The following THSD7B variants were observed in gnomAD, a reference collection of about 807,000 sequenced individuals.
THSD7B encodes thrombospondin type 1 domain containing 7B.
A neutral mutation model predicts 213.6 loss-of-function variants in THSD7B; 138 were observed. The observed-to-expected ratio is 0.65, with a 90% CI of 0.56 to 0.74. The LOEUF is 0.74. Ranked by LOEUF, THSD7B falls within the 30% of genes least tolerant of loss-of-function variation. The pLI is 0.00. For missense variants in THSD7B, 1,931 were observed against 1,991.5 expected (o/e 0.97, Z 0.58); for synonymous variants, 742 against 687.0 (o/e 1.08, Z -1.25).
chr2:137,574,908 A>G (rs544915655), intron 17 of THSD7B, among the ~76,000 whole-genome samples: 2 of 152,256 alleles, frequency 1.3e-5, no homozygotes, highest in Non-Finnish European at 2.9e-5. Flanking sequence ...AAAGGAAACA[A>G]TTATTTTATA....
At chr2:137,416,234 C>G (rs1210591634) in intron 14 of THSD7B, among the ~76,000 whole-genome samples, 2 of 152,164 alleles carry the variant, frequency 1.3e-5, no homozygotes. Flanking sequence ...AGCCATCATA[C>G]TGACACGAAA....
At chr2:137,553,765 G>T (rs1042805462) in intron 15 of THSD7B, among the ~76,000 whole-genome samples, 5 of 152,118 alleles carry the variant, frequency 3.3e-5, no homozygotes, top group African/African-American at 7.2e-5. Flanking sequence ...ATTTTCATAT[G>T]ATTCCCTGAT....
In THSD7B at chr2:136,773,891, TA is replaced by T. The variant is rs79981561; in HGVS notation, c.-36+8217del. Among the ~76,000 whole-genome samples, 370 of 142,614 alleles carry T rather than the reference TA, an allele frequency of 2.6e-3. 1 individual carries two copies. Among genetic ancestry groups the T allele is most frequent in the South Asian group, 7.4e-3 (33 of 4,454 alleles). 93.6% of individuals were successfully genotyped at this position (142,614 alleles called of 152,430 possible). A position where few individuals can be genotyped will look rare whatever the true frequency, so the allele number is the denominator to read the frequency against. On this transcript the variant is annotated intron_variant, in intron 1 of 27. Transcript: ENST00000409968. ...TAGATACCGGCATGGATAATCTATT[TA>T]AAAAAAAAAAAAGAAACCACTTCCA...
chr2:137,392,982 GAATCCTAAAGATTCCTAAA>G (rs1044504601), intron 12 of THSD7B, among the ~76,000 whole-genome samples: 11 of 151,700 alleles, frequency 7.3e-5, no homozygotes, highest in Admixed American at 6.6e-5. Context: ...CCATGTTTAG[GAATCCTAAAGATTCCTAAA>G]AATCCTAAAG....
At chr2:137,183,021 A>G (rs1680483999) in intron 7 of THSD7B, among the ~76,000 whole-genome samples, 1 of 152,134 alleles carries the variant, frequency 6.6e-6, no homozygotes, top group Admixed American at 6.6e-5. Flanking sequence ...TTTTGTGTAA[A>G]AAAACTTACT....
At chr2:137,351,070 C>T (rs577984052) in intron 12 of THSD7B, among the ~76,000 whole-genome samples, 26 of 151,954 alleles carry the variant, frequency 1.7e-4, no homozygotes, top group African/African-American at 6.3e-4. Context: ...GGTAATCATT[C>T]ACATCACCAT....
At chr2:137,152,380 T>G (rs1313561957) in intron 5 of THSD7B, among the ~76,000 whole-genome samples, 2 of 152,210 alleles carry the variant, frequency 1.3e-5, no homozygotes. Context: ...TATAACAGCT[T>G]ACTTTTCTAT....
intron 10 of THSD7B, among the ~76,000 whole-genome samples, chr2:137,245,326 A>T (rs1573909090): frequency 6.6e-6 from 1 of 152,194 alleles, no homozygotes; most frequent in Non-Finnish European, 1.5e-5. Flanking sequence ...GTTAATAATA[A>T]CACCTGCCTA....
At chr2:137,206,673 C>T (rs979202108) in intron 7 of THSD7B, among the ~76,000 whole-genome samples, 6 of 152,104 alleles carry the variant, frequency 3.9e-5, no homozygotes, top group African/African-American at 1.4e-4. Context: ...GGATTTTGCT[C>T]AGAAAAGCAT....
chr2:137,563,428 T>A (rs1681165025), intron 16 of THSD7B, 74 bp downstream of exon 16: 1 of 1,555,092 alleles, frequency 6.4e-7, no homozygotes, highest in Non-Finnish European at 8.8e-7. Context: ...ACAACAGTGA[T>A]GTTTATCCAA....
At chr2:137,265,865 G>A (rs956151980) in intron 10 of THSD7B, among the ~76,000 whole-genome samples, 41 of 152,164 alleles carry the variant, frequency 2.7e-4, no homozygotes, top group Non-Finnish European at 3.8e-4. Context: ...AATAGGTATT[G>A]GCTAGAATTG....
At chr2:137,307,216 T>C (rs1376947398) in intron 12 of THSD7B, among the ~76,000 whole-genome samples, 1 of 152,116 alleles carries the variant, frequency 6.6e-6, no homozygotes, top group Admixed American at 6.6e-5. Flanking sequence ...GTCTATTAGA[T>C]GAGAAGTTCA....
At chr2:137,364,263 T>A (rs1042431148) in intron 12 of THSD7B, among the ~76,000 whole-genome samples, 3 of 152,156 alleles carry the variant, frequency 2.0e-5, no homozygotes, top group African/African-American at 7.2e-5. Flanking sequence ...TAAGAGCTAT[T>A]TATGACAGAC....
In THSD7B at chr2:137,655,532, G is replaced by T. The variant is rs746708463; in HGVS notation, c.3977G>T (p.Arg1326Leu). The change falls in exon 22 of 28, where the codon CGC (arginine) becomes CTC (leucine). Residue 1326 changes from arginine to leucine, a missense_variant. Physicochemically the swap from Arg to Leu is moderately radical, Grantham distance 102 (BLOSUM62 -2). Transcript: ENST00000409968. ...GGDCGEGVQI[R>L]SLSCMVHSGS... is the part of the protein sequence containing the mutation. ...GACTGTGGGGAAGGAGTTCAGATCC[G>T]CAGCCTTTCCTGCATGGTCCACAGT... 11 of 1,611,774 alleles carry T rather than the reference G, an allele frequency of 6.8e-6. No individual in the cohort carries two copies. Among genetic ancestry groups the T allele is most frequent in the Non-Finnish European group, 9.3e-6 (11 of 1,179,018 alleles).
At chr2:136,836,568 C>T (rs970941479) in intron 1 of THSD7B, among the ~76,000 whole-genome samples, 1 of 152,196 alleles carries the variant, frequency 6.6e-6, no homozygotes. Flanking sequence ...TCTCCATCAC[C>T]TTTCTAGATC....
At chr2:137,110,466 T>A (rs1025105439) in intron 4 of THSD7B, among the ~76,000 whole-genome samples, 1 of 152,166 alleles carries the variant, frequency 6.6e-6, no homozygotes, top group Non-Finnish European at 1.5e-5. Context: ...CATCCAGTAT[T>A]TGAGTTATTA....
intron 21 of THSD7B, among the ~76,000 whole-genome samples, chr2:137,646,575 C>T (rs1406315482): frequency 6.7e-6 from 1 of 150,250 alleles, no homozygotes; most frequent in Admixed American, 6.6e-5. Context: ...TCACTTGAAC[C>T]TGGGAGGCGG....
At chr2:136,876,911 T>A (rs1683534215) in intron 1 of THSD7B, among the ~76,000 whole-genome samples, 1 of 152,144 alleles carries the variant, frequency 6.6e-6, no homozygotes, top group African/African-American at 2.4e-5. Context: ...CCTAACACGC[T>A]CTGGGGTCTC....
intron 10 of THSD7B, among the ~76,000 whole-genome samples, chr2:137,262,610 AG>A (rs1426746504): frequency 6.6e-6 from 1 of 152,146 alleles, no homozygotes; most frequent in East Asian, 1.9e-4. Flanking sequence ...ACTTAGCTAG[AG>A]GGCAGGTCGT....
Sources: gnomAD v4.1 joint callset for allele counts (sites outside exome capture counted in the v4.1 genomes callset) on GRCh38, gnomAD v4.1.1 for gene constraint, MANE v1.5 for transcripts, NCBI Gene and HGNC (gene_info 2026-07-23, HGNC 2026-07-21) for gene names.